The following DDX10 variants were observed in gnomAD, a reference collection of about 807,000 sequenced individuals.
The protein encoded by DDX10 is DEAD-box helicase 10.
In DDX10, 74 loss-of-function variants were observed where a neutral mutation model predicts 104.3. The observed-to-expected ratio is 0.71, with a 90% CI of 0.59 to 0.86. The LOEUF (loss-of-function observed/expected upper bound fraction) is 0.86. Ranked by LOEUF, DDX10 falls within the 40% of genes least tolerant of loss-of-function variation. The pLI, the probability that DDX10 is intolerant of heterozygous loss-of-function variation, is 0.00. For synonymous variants in DDX10, 351 were observed against 353.4 expected, an observed-to-expected ratio of 0.99 and a Z score of 0.08; for missense variants, 952 against 1,040.0, an observed-to-expected ratio of 0.92 and a Z score of 1.16.
At chr11:108,879,352 G>A (rs1863196957) in intron 16 of DDX10, among the ~76,000 whole-genome samples, 1 of 151,980 alleles carries the variant, frequency 6.6e-6, no homozygotes. Context: ...TAGATAATAA[G>A]ATTAGCTGTA....
At chr11:108,806,429 T>TA (rs901525320) in intron 13 of DDX10, among the ~76,000 whole-genome samples, 19 of 152,324 alleles carry the variant, frequency 1.2e-4, no homozygotes, top group African/African-American at 4.6e-4. Context: ...AGGATATCCA[T>TA]ACAATCGTTC....
intron 6 of DDX10, among the ~76,000 whole-genome samples, chr11:108,683,577 G>C (rs1451718146): frequency 1.3e-5 from 2 of 152,124 alleles, no homozygotes; most frequent in Admixed American, 6.5e-5. Context: ...TGCTTTTGTA[G>C]TTGCTATTCT....
intron 13 of DDX10, among the ~76,000 whole-genome samples, chr11:108,735,670 C>T (rs1310955538): frequency 4.0e-5 from 6 of 151,474 alleles, no homozygotes; most frequent in Non-Finnish European, 8.8e-5. Flanking sequence ...ATGATGGCTA[C>T]TTCACTGCTT....
intron 16 of DDX10, among the ~76,000 whole-genome samples, chr11:108,890,836 A>G (rs1356232171): frequency 1.3e-5 from 2 of 152,144 alleles, no homozygotes; most frequent in African/African-American, 4.8e-5. Flanking sequence ...GGTTGAGACT[A>G]AGGAAGAAAT....
At chr11:108,859,768 T>A (rs1862916474) in intron 16 of DDX10, among the ~76,000 whole-genome samples, 1 of 152,212 alleles carries the variant, frequency 6.6e-6, no homozygotes, top group Admixed American at 6.5e-5. Context: ...TTCCAGTGGT[T>A]ACATGCTCTA....
At chr11:108,669,269 G>T (rs1451738151) in intron 1 of DDX10, among the ~76,000 whole-genome samples, 1 of 151,866 alleles carries the variant, frequency 6.6e-6, no homozygotes, top group Non-Finnish European at 1.5e-5. Flanking sequence ...AATTTTTTTG[G>T]TAATTTTTGT....
At chr11:108,728,259 A>AGAT (rs1322461219) in intron 13 of DDX10, among the ~76,000 whole-genome samples, 1 of 152,074 alleles carries the variant, frequency 6.6e-6, no homozygotes, top group African/African-American at 2.4e-5. Flanking sequence ...AGGGCACCAG[A>AGAT]GATGATGTTC....
At chr11:108,870,383 A>G (rs1242781108) in intron 16 of DDX10, among the ~76,000 whole-genome samples, 1 of 152,158 alleles carries the variant, frequency 6.6e-6, no homozygotes, top group Non-Finnish European at 1.5e-5. Flanking sequence ...TCAGACCCCC[A>G]TCCTTTAAGA....
chr11:108,913,280 G>A (rs937402191), intron 16 of DDX10, among the ~76,000 whole-genome samples: 3 of 152,060 alleles, frequency 2.0e-5, no homozygotes, highest in Non-Finnish European at 2.9e-5. Context: ...AGGACAACTC[G>A]AAGCAGGGAG....
chr11:108,681,482 T>G (rs1565244897), intron 6 of DDX10, among the ~76,000 whole-genome samples: 1 of 152,204 alleles, frequency 6.6e-6, no homozygotes, highest in African/African-American at 2.4e-5. Flanking sequence ...TTTCATCTAA[T>G]GTCAATGTTA....
chr11:108,726,791 T>C (rs907870133), intron 13 of DDX10, among the ~76,000 whole-genome samples: 1 of 152,280 alleles, frequency 6.6e-6, no homozygotes, highest in African/African-American at 2.4e-5. Flanking sequence ...GCATTCAGTC[T>C]TTTACCATTA....
intron 13 of DDX10, among the ~76,000 whole-genome samples, chr11:108,826,056 A>G (rs1862391544): frequency 6.6e-6 from 1 of 152,234 alleles, no homozygotes; most frequent in Non-Finnish European, 1.5e-5. Flanking sequence ...TTATCAGAAG[A>G]GAATTAGGGT....
chr11:108,930,014 A>G (rs1447642737), intron 17 of DDX10, among the ~76,000 whole-genome samples: 1 of 152,212 alleles, frequency 6.6e-6, no homozygotes, highest in East Asian at 1.9e-4. Flanking sequence ...ATTATTATTA[A>G]CTAATGTCTG....
chr11:108,761,273 C>T (rs1440188061), intron 13 of DDX10, among the ~76,000 whole-genome samples: 1 of 152,052 alleles, frequency 6.6e-6, no homozygotes, highest in Non-Finnish European at 1.5e-5. Context: ...TAAAGGAAGC[C>T]TGCCTCTGTT....
chr11:108,751,545 G>A (rs1431786092), intron 13 of DDX10, among the ~76,000 whole-genome samples: 1 of 152,066 alleles, frequency 6.6e-6, no homozygotes, highest in Non-Finnish European at 1.5e-5. Flanking sequence ...ATAATCCAAT[G>A]TATATTTTAT....
chr11:108,851,311 G>C (rs1317772132), intron 15 of DDX10, among the ~76,000 whole-genome samples: 2 of 152,120 alleles, frequency 1.3e-5, no homozygotes, highest in Non-Finnish European at 2.9e-5. Context: ...GTTATGATCA[G>C]TTATATCATA....
chr11:108,777,164 G>A (rs968849698), intron 13 of DDX10, among the ~76,000 whole-genome samples: 2 of 152,064 alleles, frequency 1.3e-5, no homozygotes, highest in African/African-American at 2.4e-5. Flanking sequence ...GCCTGATTTT[G>A]CTTATTCTGT....
chr11:108,852,720 A>C (rs1170738823), intron 16 of DDX10, among the ~76,000 whole-genome samples: 1 of 152,212 alleles, frequency 6.6e-6, no homozygotes, highest in Non-Finnish European at 1.5e-5. Flanking sequence ...ACATATGTAC[A>C]GTTTTCCTCA....
intron 17 of DDX10, among the ~76,000 whole-genome samples, chr11:108,936,885 G>GA (rs1350346945): frequency 6.6e-6 from 1 of 152,126 alleles, no homozygotes; most frequent in East Asian, 1.9e-4. Context: ...ATGCCCTCAA[G>GA]AAAGATTGTG....
Sources: gnomAD v4.1 joint callset for allele counts (sites outside exome capture counted in the v4.1 genomes callset) on GRCh38, gnomAD v4.1.1 for gene constraint, MANE v1.5 for transcripts, NCBI Gene and HGNC (gene_info 2026-07-23, HGNC 2026-07-21) for gene names.